The following GOLGA4 variants were observed in gnomAD, a reference collection of about 807,000 sequenced individuals.
GOLGA4 encodes golgin A4.
Under a neutral mutation model 265.9 loss-of-function variants are expected in GOLGA4, and 169 were observed. That is an observed-to-expected ratio of 0.64 (90% CI 0.56 to 0.72). The LOEUF (loss-of-function observed/expected upper bound fraction) is 0.72, where lower values mean the gene tolerates loss of function less well. GOLGA4 is among the 30% of genes least tolerant of loss of function. The pLI, the probability that GOLGA4 is intolerant of heterozygous loss-of-function variation, is 0.00. For missense variants in GOLGA4, 2,482 were observed against 2,483.4 expected, an observed-to-expected ratio of 1.00 and a Z score of 0.01; for synonymous variants, 923 against 855.8, an observed-to-expected ratio of 1.08 and a Z score of -1.37.
chr3:37,353,012 T>A (rs2097079307), intron 21 of GOLGA4, among the ~76,000 whole-genome samples: 2 of 152,118 alleles, frequency 1.3e-5, no homozygotes, highest in South Asian at 4.1e-4. Flanking sequence ...GGTTATTAAT[T>A]GGCCTAATTT....
intron 13 of GOLGA4, among the ~76,000 whole-genome samples, chr3:37,322,503 A>G (rs1443587076): frequency 1.3e-5 from 2 of 152,154 alleles, no homozygotes; most frequent in Admixed American, 1.3e-4. Flanking sequence ...TCTGATTTAG[A>G]TAGTAAAACA....
chr3:37,266,263 G>A (rs145444716), intron 2 of GOLGA4, among the ~76,000 whole-genome samples: 4 of 151,952 alleles, frequency 2.6e-5, no homozygotes, highest in African/African-American at 7.3e-5. Context: ...GCAATGGCAC[G>A]ATCTCGGCTC....
chr3:37,279,684 A>T (rs1216932792), intron 2 of GOLGA4, among the ~76,000 whole-genome samples: 1 of 152,188 alleles, frequency 6.6e-6, no homozygotes, highest in African/African-American at 2.4e-5. Context: ...AGGTCGGCAG[A>T]TCACCTGAGG....
Position 37,295,034 on chromosome 3 carries a change from C to T in GOLGA4, c.638C>T (p.Ser213Phe), listed in dbSNP as rs1191717392. The T allele has an allele frequency of 1.2e-6, 2 of 1,608,934 alleles. No homozygotes were observed. Among genetic ancestry groups the T allele is most frequent in the African/African-American group, 1.3e-5 (1 of 74,734 alleles). ...CATCTGCAAGAGGAGTTTGATGCAT[C>T]TTTAGAGGAGAAAGATCAGTATATC... ...KKHLQEEFDA[S>F]LEEKDQYISV... Residue 213 changes from serine to phenylalanine, a missense_variant, in exon 6 of 24, where the codon TCT becomes TTT. Transcript: ENST00000361924.
intron 3 of GOLGA4, 25 bp from the exon 4 acceptor site, chr3:37,285,989 A>G (rs2150788321): frequency 2.9e-6 from 4 of 1,390,082 alleles, no homozygotes; most frequent in Non-Finnish European, 4.0e-6. Context: ...AGGAATGACT[A>G]ATGTTGTTGA....
At chr3:37,263,560 A>G (rs1467620443) in intron 2 of GOLGA4, among the ~76,000 whole-genome samples, 5 of 152,140 alleles carry the variant, frequency 3.3e-5, no homozygotes, top group Non-Finnish European at 5.9e-5. Flanking sequence ...GCAGTGCAAG[A>G]CTGTATATCC....
At chr3:37,288,175 C>T (rs964168477) in intron 4 of GOLGA4, among the ~76,000 whole-genome samples, 3 of 143,126 alleles carry the variant, frequency 2.1e-5, no homozygotes, top group Non-Finnish European at 4.5e-5. Flanking sequence ...GATCTTGGCT[C>T]ACTGCAACCT....
rs189442082 is a variant in GOLGA4, at chr3:37,348,629, G to A, written c.6576+1333G>A. 4.9e-3 allele frequency among the ~76,000 whole-genome samples: 740 copies of A among 152,186 alleles called. 9 individuals are homozygous for A. Among genetic ancestry groups the A allele is most frequent in the African/African-American group, 0.017 (707 of 41,546 alleles). On this transcript the variant is annotated intron_variant, in intron 21 of 23. Transcript: ENST00000361924. ...TACCTTGTTATTGTATTGGGGGTGG[G>A]GAGGAGAGGCATATCTTTAAAAAAC...
chr3:37,288,276 A>AT lies in GOLGA4; in HGVS notation c.526-946dup, dbSNP rs79865454. Among the ~76,000 whole-genome samples the AT allele has an allele frequency of 7.4e-4, 102 of 136,976 alleles. 1 individual carries two copies. Among genetic ancestry groups the AT allele is most frequent in the South Asian group, 1.6e-3 (7 of 4,284 alleles). 89.9% of individuals were successfully genotyped at this position (136,976 alleles called of 152,430 possible). ...ATCACCATGCCCGGCTAATTTTTGA[A>AT]TTTTTTTTTTTTTAAGTAGAGATGG... On this transcript the variant is annotated intron_variant, in intron 4 of 23. Transcript: ENST00000361924.
At chr3:37,247,737 A>G (rs966497690) in intron 1 of GOLGA4, among the ~76,000 whole-genome samples, 1 of 152,182 alleles carries the variant, frequency 6.6e-6, no homozygotes, top group Admixed American at 6.5e-5. Context: ...TCTGGAGCTC[A>G]GGATCTTTTT....
intron 1 of GOLGA4, among the ~76,000 whole-genome samples, chr3:37,247,583 A>G (rs1362263768): frequency 6.6e-6 from 1 of 152,224 alleles, no homozygotes; most frequent in Non-Finnish European, 1.5e-5. Flanking sequence ...AATATTGCAT[A>G]ACAAGTTACC....
intron 3 of GOLGA4, among the ~76,000 whole-genome samples, chr3:37,282,876 C>G (rs1484231001): frequency 6.6e-6 from 1 of 152,206 alleles, no homozygotes; most frequent in Non-Finnish European, 1.5e-5. Flanking sequence ...AGGAATGTAG[C>G]ACCTTCCTTT....
chr3:37,269,439 GAAA>G (rs1178456017), intron 2 of GOLGA4, among the ~76,000 whole-genome samples: 1 of 151,940 alleles, frequency 6.6e-6, no homozygotes, highest in African/African-American at 2.4e-5. Context: ...GTTGAAGGGA[GAAA>G]AAAAGAGAAG....
chr3:37,304,839 C>CT (rs1300622697), intron 10 of GOLGA4, among the ~76,000 whole-genome samples: 6 of 151,916 alleles, frequency 3.9e-5, no homozygotes, highest in Non-Finnish European at 8.8e-5. Flanking sequence ...TATATTTTGT[C>CT]TTTCAGTGTG....
Position 37,323,765 on chromosome 3 carries a change from T to C in GOLGA4, c.1879T>C (p.Trp627Arg). The change falls in exon 14 of 24, where the codon TGG becomes CGG. Residue 627 changes from tryptophan to arginine, a missense_variant. Trp to Arg is a moderately radical substitution (Grantham distance 101, BLOSUM62 -3). Around this residue, in one of 3 missense-constraint regions of GOLGA4, gnomAD observed 1,536 missense variants for 1,483.7 expected, o/e 1.04. Transcript: ENST00000361924. ...CCTTAAGCATCAGCAGGATGCCCTT[T>C]GGACTGAAAAACTCCAAGTCTTAAA... is the stretch of plus-strand genomic sequence containing the variant. ...ESLKHQQDAL[W>R]TEKLQVLKQQ... 2 of 1,611,208 alleles carry C rather than the reference T, an allele frequency of 1.2e-6. No individual in the cohort carries two copies. The highest frequency in any genetic ancestry group is 1.7e-6 in the Non-Finnish European group (2 of 1,179,282).
intron 2 of GOLGA4, among the ~76,000 whole-genome samples, chr3:37,256,549 G>A (rs531020178): frequency 5.5e-4 from 84 of 151,922 alleles, no homozygotes; most frequent in Non-Finnish European, 1.0e-3. Context: ...AATTTGCATT[G>A]ACTCTGAAGT....
At position 37,315,518 on chromosome 3, in the gene GOLGA4, G is replaced by GA; in HGVS notation, c.1339dup (p.Thr447AsnfsTer3). ...AATGGATGAACAAATAAAAACTATC[G>GA]AAAAAACAAGTGAGGAGGAACGCAT... On this transcript the variant is annotated frameshift_variant, in exon 11 of 24. Coordinates refer to ENST00000361924, the MANE Select transcript of GOLGA4 (RefSeq NM_002078.5). LOFTEE classifies it high-confidence loss of function. The GA allele has an allele frequency of 6.2e-7, 1 of 1,613,830 alleles. No individual in the cohort carries two copies. Among genetic ancestry groups the GA allele is most frequent in the Non-Finnish European group, 8.5e-7 (1 of 1,179,818 alleles).
chr3:37,274,099 C>CAA (rs34797146), intron 2 of GOLGA4, among the ~76,000 whole-genome samples: 36,947 of 101,544 alleles, frequency 0.36, 6,022 homozygotes, highest in Non-Finnish European at 0.45. Flanking sequence ...GGCTCTGTCT[C>CAA]AAAAAAAAAA....
At chr3:37,315,332 C>A in intron 10 of GOLGA4, 88 bp from the exon 11 acceptor site, 2 of 1,075,658 alleles carry the variant, frequency 1.9e-6, no homozygotes, top group Non-Finnish European at 2.7e-6. Flanking sequence ...GCTACTGCTG[C>A]TCTTAGTTCT....
Sources: allele counts gnomAD v4.1 joint callset (sites outside exome capture counted in the v4.1 genomes callset), GRCh38; gene constraint gnomAD v4.1.1; regional missense constraint gnomAD v4.1.1; transcripts MANE v1.5; gene names NCBI Gene and HGNC (gene_info 2026-07-23, HGNC 2026-07-21).